Variants in PBRM1 observed in about 807,000 individuals in gnomAD.
The protein encoded by PBRM1 is protein polybromo-1.
Under a neutral mutation model 194.5 loss-of-function variants are expected in PBRM1, and 27 were observed. The observed-to-expected ratio is 0.14, with a 90% confidence interval of 0.10 to 0.19. PBRM1 has a LOEUF of 0.19. Among genes scored for constraint, PBRM1 ranks in the 10% least tolerant of loss-of-function variants. The pLI is 1.00. For synonymous variants in PBRM1, 655 were observed against 693.2 expected, an observed-to-expected ratio of 0.94 and a Z score of 0.87; for missense variants, 1,466 against 2,077.2, an observed-to-expected ratio of 0.71 and a Z score of 5.72.
intron 4 of PBRM1, among the ~76,000 whole-genome samples, chr3:52,661,658 T>C (rs1354768619): frequency 6.6e-6 from 1 of 152,110 alleles, no homozygotes; most frequent in Non-Finnish European, 1.5e-5. Context: ...ACGGGAAAAG[T>C]CAAAGGAAGC....
chr3:52,675,341 G>A (rs773703819), intron 2 of PBRM1, among the ~76,000 whole-genome samples: 16 of 152,156 alleles, frequency 1.1e-4, no homozygotes, highest in Non-Finnish European at 1.8e-4. Context: ...TTGAAGAGGC[G>A]AGGTCACGTC....
At chr3:52,626,145 C>CA (rs530338972) in intron 13 of PBRM1, among the ~76,000 whole-genome samples, 30 of 152,176 alleles carry the variant, frequency 2.0e-4, no homozygotes, top group Non-Finnish European at 3.5e-4. Context: ...TATTTACACT[C>CA]AAAGTTGTTC....
At chr3:52,550,330 G>T in intron 29 of PBRM1, 91 bp downstream of exon 31, 4 of 488,420 alleles carry the variant, frequency 8.2e-6, no homozygotes, top group Non-Finnish European at 1.4e-5. Flanking sequence ...AGAAAAAGGG[G>T]TGTTTATTGT....
At chr3:52,622,765 A>T (rs75246353) in intron 13 of PBRM1, among the ~76,000 whole-genome samples, 3,996 of 152,250 alleles carry the variant, frequency 0.026, 80 homozygotes, top group Non-Finnish European at 0.044. Flanking sequence ...TCATGCCACA[A>T]TGTAAGTCCT....
intron 17 of PBRM1, 59 bp downstream of exon 19, chr3:52,603,462 T>C (rs1249264906): frequency 3.3e-6 from 5 of 1,528,448 alleles, no homozygotes; most frequent in African/African-American, 1.4e-5. Flanking sequence ...CAGCTAATTA[T>C]GAGAACACCT....
At chr3:52,554,280 T>C (rs745874754) in intron 27 of PBRM1, among the ~76,000 whole-genome samples, 3 of 152,228 alleles carry the variant, frequency 2.0e-5, no homozygotes. Context: ...AGATACTCTA[T>C]ACCCTGTGAG....
chr3:52,628,474 A>ATTGT (rs36059845), intron 12 of PBRM1, among the ~76,000 whole-genome samples: 66,662 of 147,464 alleles, frequency 0.45, 15,413 homozygotes, highest in African/African-American at 0.52. Context: ...TATTATATAT[A>ATTGT]TTGTTTGTTT....
At chr3:52,679,682 G>C (rs750791841) in exon 1 of PBRM1, 1 of 1,613,646 alleles carries the variant, frequency 6.2e-7, no homozygotes, top group South Asian at 1.1e-5. Flanking sequence ...TGCTGGAAGG[G>C]GAGGTAGCTC....
At chr3:52,559,260 C>T (rs980344506) in intron 25 of PBRM1, among the ~76,000 whole-genome samples, 1 of 152,082 alleles carries the variant, frequency 6.6e-6, no homozygotes, top group South Asian at 2.1e-4. Context: ...AGTTCTGGGC[C>T]GTAGAATACA....
intron 22 of PBRM1, among the ~76,000 whole-genome samples, chr3:52,573,017 AG>A (rs769750276): frequency 4.6e-5 from 7 of 152,250 alleles, no homozygotes; most frequent in Non-Finnish European, 8.8e-5. Context: ...TTTTATCTCA[AG>A]ATGAAGTTAC....
At chr3:52,676,330 G>A (rs1336387481) in intron 2 of PBRM1, among the ~76,000 whole-genome samples, 1 of 152,104 alleles carries the variant, frequency 6.6e-6, no homozygotes, top group Non-Finnish European at 1.5e-5. Context: ...CACATGTTGT[G>A]GGAGGGACCC....
intron 5 of PBRM1, among the ~76,000 whole-genome samples, chr3:52,654,940 CA>C (rs551965557): frequency 5.9e-5 from 9 of 152,032 alleles, no homozygotes; most frequent in Non-Finnish European, 1.2e-4. Flanking sequence ...AGGTGCACAC[CA>C]CCATGACTAG....
intron 21 of PBRM1, 134 bp downstream of exon 23, chr3:52,578,920 G>T: frequency 1.2e-6 from 1 of 809,090 alleles, no homozygotes; most frequent in East Asian, 2.5e-5. Context: ...TGGTTGGAGG[G>T]GAACATGGTG....
intron 21 of PBRM1, among the ~76,000 whole-genome samples, chr3:52,577,872 C>T (rs1313738752): frequency 6.6e-6 from 1 of 152,164 alleles, no homozygotes; most frequent in Non-Finnish European, 1.5e-5. Context: ...AACCAAATGT[C>T]ACTCTGTGCT....
intron 2 of PBRM1, among the ~76,000 whole-genome samples, chr3:52,668,932 A>T (rs2096894822): frequency 6.6e-6 from 1 of 152,226 alleles, no homozygotes; most frequent in African/African-American, 2.4e-5. Flanking sequence ...TTTAATGTTT[A>T]GGGCACCAAC....
intron 17 of PBRM1, among the ~76,000 whole-genome samples, chr3:52,599,804 T>G (rs1026414262): frequency 5.9e-5 from 9 of 151,508 alleles, no homozygotes; most frequent in Non-Finnish European, 1.2e-4. Flanking sequence ...CACTCCAGCC[T>G]GGGCAACAGA....
intron 10 of PBRM1, 137 bp downstream of exon 11, chr3:52,641,817 A>G (rs2096098447): frequency 2.7e-6 from 2 of 738,942 alleles, no homozygotes; most frequent in Admixed American, 4.1e-5. Context: ...TCTGACTACC[A>G]GAGTACAATC....
intron 17 of PBRM1, among the ~76,000 whole-genome samples, chr3:52,601,710 T>C (rs2094005964): frequency 6.6e-6 from 1 of 152,042 alleles, no homozygotes. Context: ...TGTTAGCAGG[T>C]CCAGGCAGGC....
chr3:52,669,701 A>G (rs552015994), intron 2 of PBRM1, among the ~76,000 whole-genome samples: 56 of 152,278 alleles, frequency 3.7e-4, no homozygotes, highest in Non-Finnish European at 7.6e-4. Flanking sequence ...ATTATTTTTA[A>G]ATTTGTATTC....
Sources: allele counts gnomAD v4.1 joint callset (sites outside exome capture counted in the v4.1 genomes callset), GRCh38; gene constraint gnomAD v4.1.1; transcripts MANE v1.5; gene names NCBI Gene and HGNC (gene_info 2026-07-23, HGNC 2026-07-21).